The following LMO7 variants were observed in gnomAD, a reference collection of about 807,000 sequenced individuals.
The protein encoded by LMO7 is LIM domain only protein 7.
A neutral mutation model predicts 206.5 loss-of-function variants in LMO7; 120 were observed. The observed-to-expected ratio is 0.58, with a 90% CI of 0.50 to 0.68. The LOEUF (loss-of-function observed/expected upper bound fraction) is 0.68. Ranked by LOEUF, LMO7 falls within the 30% of genes least tolerant of loss-of-function variation. LMO7 has a pLI of 0.00. For missense variants in LMO7, 1,959 were observed against 1,957.9 expected (o/e 1.00, Z -0.01); for synonymous variants, 706 against 681.5 (o/e 1.04, Z -0.56).
At chr13:75,744,503 G>A (rs1271453125) in intron 3 of LMO7, among the ~76,000 whole-genome samples, 1 of 152,190 alleles carries the variant, frequency 6.6e-6, no homozygotes, top group East Asian at 1.9e-4. Flanking sequence ...CAGTATTTGA[G>A]TAGGATTATA....
intron 1 of LMO7, among the ~76,000 whole-genome samples, chr13:75,690,727 C>T (rs2041397164): frequency 1.3e-5 from 2 of 152,168 alleles, no homozygotes; most frequent in Admixed American, 6.5e-5. Context: ...CCAAGTTTGG[C>T]CCACAGGCTC....
At chr13:75,838,564 G>A (rs975465474) in intron 20 of LMO7, 8 of 261,610 alleles carry the variant, frequency 3.1e-5, no homozygotes, top group Non-Finnish European at 5.8e-5. Context: ...CCTACAAATT[G>A]CATAATATTA....
chr13:75,684,795 A>ATG (rs202135001), intron 1 of LMO7, among the ~76,000 whole-genome samples: 11 of 151,028 alleles, frequency 7.3e-5, no homozygotes, highest in East Asian at 5.9e-4. Context: ...ATGTGTATAT[A>ATG]TGTGTGTGTG....
rs115421810 is a variant in LMO7 at position 75,693,881 on chromosome 13, T to C, written c.70-19301T>C. 8.4e-3 allele frequency among the ~76,000 whole-genome samples: 1,282 copies of C among 152,324 alleles called. 23 individuals carry two copies. Among genetic ancestry groups the C allele is most frequent in the African/African-American group, 0.029 (1,206 of 41,568 alleles). On this transcript the variant is annotated intron_variant, in intron 1 of 30. Transcript: ENST00000377534. ...AGCTCCCCCATCTTGCTGTCTCTCA[T>C]TGTACCTAAAGTCAACATCTTTTTC...
Position 75,807,369 on chromosome 13 carries a change from C to T in LMO7, c.1197-111C>T, listed in dbSNP as rs910827669. On this transcript the variant is annotated intron_variant, in intron 9 of 30. Transcript: ENST00000377534. ...ATGGTCCTCTAAAATGATTTACCCT[C>T]AGTAACTGGCTAGTTGGTCTGCTAA... 7.4e-6 allele frequency: 8 copies of T among 1,084,652 alleles called. No individual in the cohort carries two copies. The African/African-American group carries it at 1.3e-4, about 17-fold the overall frequency. The allele number at this position is 1,084,652 out of a possible 1,614,324, so 67.2% of individuals were successfully genotyped here. A position where few individuals can be genotyped will look rare whatever the true frequency, so the allele number is the denominator to read the frequency against.
chr13:75,796,724 A>C lies in LMO7; in HGVS notation c.437A>C (p.Asn146Thr), dbSNP rs1459998568. Reference sequence around the variant, plus strand: ...CATCTTAATTTGAAAGCGTTTGAGAATCTTTTAGGACAAGCACTGACGAAG... The same window carrying C: ...CATCTTAATTTGAAAGCGTTTGAGACTCTTTTAGGACAAGCACTGACGAAG... ...GPHLNLKAFENLLGQALTKAL... is the reference protein window; with the variant it reads ...GPHLNLKAFETLLGQALTKAL... Residue 146 changes from asparagine to threonine, a missense_variant, in exon 6 of 31, where the codon AAT (asparagine) becomes ACT (threonine). Coordinates refer to ENST00000377534, the MANE Select transcript of LMO7 (RefSeq NM_001306080.2). The C allele has an allele frequency of 5.0e-6, 8 of 1,611,920 alleles. No individual in the cohort carries two copies. In the Admixed American group the frequency reaches 8.3e-5, roughly 17 times the overall value.
chr13:75,776,160 C>T (rs1311070074), intron 4 of LMO7, among the ~76,000 whole-genome samples: 6 of 27,978 alleles, frequency 2.1e-4, no homozygotes, highest in Non-Finnish European at 4.8e-4. Flanking sequence ...GTATATATAT[C>T]GGATATATAT....
chr13:75,644,126 C>T (rs976597995), intron 1 of LMO7, among the ~76,000 whole-genome samples: 1 of 151,960 alleles, frequency 6.6e-6, no homozygotes, highest in African/African-American at 2.4e-5. Context: ...AGCGAGTTAC[C>T]TGCTAGTGAA....
At chr13:75,789,985 G>T (rs971071353) in intron 4 of LMO7, among the ~76,000 whole-genome samples, 3 of 152,056 alleles carry the variant, frequency 2.0e-5, no homozygotes, top group African/African-American at 7.2e-5. Context: ...GTGTGGGGAG[G>T]GCTGGCTTGG....
chr13:75,696,859 TG>T lies in LMO7; in HGVS notation c.70-16319del. Reference sequence around the variant, plus strand: ...GGGTGGACTGAGCCGAGGGGAGGTGTGGGGACTGCCACTCTCCTGAGAGTGG... The same window carrying T: ...GGGTGGACTGAGCCGAGGGGAGGTGTGGGACTGCCACTCTCCTGAGAGTGG... On this transcript the variant is annotated intron_variant, in intron 1 of 30. Coordinates refer to ENST00000377534, the MANE Select transcript of LMO7 (RefSeq NM_001306080.2). Among the ~76,000 whole-genome samples the T allele has an allele frequency of 1.3e-5, 2 of 152,010 alleles. 1 individual carries two copies. Among genetic ancestry groups the T allele is most frequent in the Middle Eastern group, 6.8e-3 (2 of 294 alleles).
intron 2 of LMO7, among the ~76,000 whole-genome samples, chr13:75,626,472 CT>C (rs2034109631): frequency 1.3e-5 from 2 of 150,724 alleles, no homozygotes; most frequent in Admixed American, 1.3e-4. Flanking sequence ...TTACCTCCCC[CT>C]GGGTCCCTCC....
chr13:75,835,529 T>C (rs1206994568), intron 18 of LMO7, among the ~76,000 whole-genome samples, 190 bp downstream of exon 18: 2 of 152,216 alleles, frequency 1.3e-5, no homozygotes, highest in Non-Finnish European at 2.9e-5. Flanking sequence ...GCATTCCTCA[T>C]AGAGTAGTTG....
intron 1 of LMO7, among the ~76,000 whole-genome samples, chr13:75,692,093 C>G (rs2041530043): frequency 6.6e-6 from 1 of 152,190 alleles, no homozygotes; most frequent in African/African-American, 2.4e-5. Flanking sequence ...CTTTCTGCCT[C>G]CTCCTGCATT....
intron 4 of LMO7, among the ~76,000 whole-genome samples, chr13:75,771,565 A>G (rs1176655278): frequency 6.6e-6 from 1 of 152,228 alleles, no homozygotes; most frequent in East Asian, 1.9e-4. Flanking sequence ...CAGAATTTTT[A>G]AAGACTTTAA....
intron 6 of LMO7, 57 bp from the exon 7 acceptor site, chr13:75,800,627 A>T: frequency 2.0e-6 from 3 of 1,481,826 alleles, no homozygotes; most frequent in Non-Finnish European, 2.8e-6. Flanking sequence ...TAACCGATTG[A>T]TTATATTTTT....
At chr13:75,847,764 T>C (rs2139464214) in intron 26 of LMO7, among the ~76,000 whole-genome samples, 1 of 152,348 alleles carries the variant, frequency 6.6e-6, no homozygotes. Context: ...GTACTGATTG[T>C]TGCCTTTTTG....
chr13:75,632,710 G>A (rs2035101498), upstream of LMO7, among the ~76,000 whole-genome samples: 2 of 152,244 alleles, frequency 1.3e-5, no homozygotes, highest in Non-Finnish European at 2.9e-5. Context: ...TGTAATGTAT[G>A]TATATATTAA....
chr13:75,727,784 C>T (rs1260539334), intron 3 of LMO7, among the ~76,000 whole-genome samples: 1 of 142,038 alleles, frequency 7.0e-6, no homozygotes, highest in African/African-American at 2.6e-5. Flanking sequence ...CCTCCCCCAA[C>T]CCCACAACAG....
At position 75,808,090 on chromosome 13, in the gene LMO7, C is replaced by T. The variant is rs1462236071; in HGVS notation, c.1807C>T (p.Pro603Ser). The T allele has an allele frequency of 6.2e-7, 1 of 1,613,942 alleles. No individual in the cohort carries two copies. Among genetic ancestry groups the T allele is most frequent in the South Asian group, 1.1e-5 (1 of 91,078 alleles). Residue 603 changes from proline (P) to serine (S), a missense_variant, in exon 10 of 31, where the codon CCT becomes TCT. Physicochemically the swap from Pro to Ser is moderately conservative, Grantham distance 74. Transcript: ENST00000377534. Reference protein sequence around the residue: ...IQSWKLGTTVPPISFTPGPCS... With the variant: ...IQSWKLGTTVSPISFTPGPCS... ...GTCCTGGAAACTGGGAACTACCGTG[C>T]CTCCCATCAGTTTCACCCCTGGCCC...
Sources: allele counts gnomAD v4.1 joint callset (sites outside exome capture counted in the v4.1 genomes callset), GRCh38; gene constraint gnomAD v4.1.1; transcripts MANE v1.5; gene names NCBI Gene and HGNC (gene_info 2026-07-23, HGNC 2026-07-21).